The following KCNQ1 variants were observed in gnomAD, a reference collection of about 807,000 sequenced individuals.
The protein encoded by KCNQ1 is potassium voltage-gated channel subfamily Q member 1.
KCNQ1 carries 49 observed loss-of-function variants against 72.4 expected under a neutral mutation model. The ratio of observed to expected loss-of-function variants is 0.68; its 90% confidence interval spans 0.54 to 0.86. The LOEUF is 0.86. Among genes scored for constraint, KCNQ1 ranks in the 40% least tolerant of loss-of-function variants. KCNQ1 has a pLI of 0.00. For missense variants in KCNQ1, 790 were observed against 945.1 expected, an observed-to-expected ratio of 0.84 and a Z score of 2.15; for synonymous variants, 450 against 412.6, an observed-to-expected ratio of 1.09 and a Z score of -1.10.
intron 15 of KCNQ1, among the ~76,000 whole-genome samples, chr11:2,798,729 G>T (rs1847194459): frequency 6.6e-6 from 1 of 152,130 alleles, no homozygotes; most frequent in African/African-American, 2.4e-5. Flanking sequence ...TGTGAAAACT[G>T]TGTATTTTTG....
At position 2,482,658 on chromosome 11, in the gene KCNQ1, C is replaced by T. The variant is rs1214587956; in HGVS notation, c.386+37174C>T. Among the ~76,000 whole-genome samples the T allele has an allele frequency of 6.6e-6, 1 of 152,138 alleles. No individual in the cohort carries two copies. The highest frequency in any genetic ancestry group is 6.6e-5 in the Admixed American group (1 of 15,266). On this transcript the variant is annotated intron_variant, in intron 1 of 15. Transcript: ENST00000155840. This position sits in a 1 kb window ranked among gnomAD's most constrained non-coding sequence, Gnocchi z 5.7. Reference sequence around the variant, plus strand: ...CTGACTCCCCCCGCCAACCCCCACCCCACACTGCACCACAAAGCTGGGTAT... The same window carrying T: ...CTGACTCCCCCCGCCAACCCCCACCTCACACTGCACCACAAAGCTGGGTAT...
chr11:2,510,337 C>T (rs1177551208), intron 1 of KCNQ1, among the ~76,000 whole-genome samples: 2 of 152,062 alleles, frequency 1.3e-5, no homozygotes, highest in East Asian at 3.9e-4. Context: ...TTAGCTCACG[C>T]CTGCAATCTC....
chr11:2,746,681 C>T lies in KCNQ1; in HGVS notation c.1515-22163C>T, dbSNP rs1257182015. ...TCATCGCCCTGTTCCGAGGGCCCAT[C>T]CTGTCGGTGTGGCTCGTCATGGGCG... On this transcript the variant is annotated intron_variant, in intron 11 of 15. Transcript: ENST00000155840. The surrounding 1 kb of genome is among the most constrained non-coding windows in gnomAD (Gnocchi z 5.9). Among the ~76,000 whole-genome samples, 2 of 152,256 alleles carry T rather than the reference C, an allele frequency of 1.3e-5. No homozygotes were observed. Among genetic ancestry groups the T allele is most frequent in the East Asian group, 1.9e-4 (1 of 5,202 alleles).
rs7946404 is a variant in KCNQ1, at chr11:2,588,525, C to T, written c.1252-188C>T. Among the ~76,000 whole-genome samples, 17,829 of 152,208 alleles carry T rather than the reference C, an allele frequency of 0.12. 2,990 individuals are homozygous for T. The highest frequency in any genetic ancestry group is 0.37 in the African/African-American group (15,524 of 41,496). On this transcript the variant is annotated intron_variant, in intron 9 of 15. Transcript: ENST00000155840. The surrounding 1 kb of genome is among the most constrained non-coding windows in gnomAD (Gnocchi z 5.6). ...GGCAGCACCTGGGCCAAGCCCCCCACGTGACCCCCAGCAGCCCTGCCCTGT... is the reference window on the plus strand; with the variant it reads ...GGCAGCACCTGGGCCAAGCCCCCCATGTGACCCCCAGCAGCCCTGCCCTGT...
intron 1 of KCNQ1, among the ~76,000 whole-genome samples, chr11:2,452,414 G>A (rs552719541): frequency 2.3e-4 from 35 of 152,286 alleles, no homozygotes; most frequent in Admixed American, 1.8e-3. Context: ...CTGTGTCCTC[G>A]ACTTCCACGC....
intron 2 of KCNQ1, 67 bp from the exon 3 acceptor site, chr11:2,570,561 G>C: frequency 6.2e-7 from 1 of 1,600,304 alleles, no homozygotes; most frequent in Non-Finnish European, 8.5e-7. Flanking sequence ...GTTCAAACAG[G>C]TTGCAGGGTC....
At chr11:2,527,587 C>T (rs1847531724) in intron 1 of KCNQ1, among the ~76,000 whole-genome samples, 3 of 152,246 alleles carry the variant, frequency 2.0e-5, no homozygotes, top group Admixed American at 2.0e-4. Flanking sequence ...CAGCCACCAG[C>T]CTGCTTTCTG....
Position 2,687,742 on chromosome 11 carries a change from G to A in KCNQ1, c.1514+25661G>A. Reference sequence around the variant, plus strand: ...TCAAGCCAGTAACCAGCAAATCATGGGGAGACTGAGAAGAGGAGCCCCTTA... The same window carrying A: ...TCAAGCCAGTAACCAGCAAATCATGAGGAGACTGAGAAGAGGAGCCCCTTA... On this transcript the variant is annotated intron_variant, in intron 11 of 15. Transcript: ENST00000155840. The surrounding 1 kb of genome is among the most constrained non-coding windows in gnomAD (Gnocchi z 5.0). The A allele has an allele frequency of 2.5e-6, 1 of 398,674 alleles. No homozygotes were observed. The highest frequency in any genetic ancestry group is 4.4e-6 in the Non-Finnish European group (1 of 226,138). The allele number at this position is 398,674 out of a possible 1,614,324, so 24.7% of individuals were successfully genotyped here.
intron 15 of KCNQ1, among the ~76,000 whole-genome samples, chr11:2,799,873 C>T (rs879252866): frequency 2.0e-5 from 3 of 152,136 alleles, no homozygotes; most frequent in African/African-American, 4.8e-5. Flanking sequence ...TGTGTGTTTT[C>T]GGTGCCTGCC....
intron 10 of KCNQ1, among the ~76,000 whole-genome samples, chr11:2,589,111 A>G (rs977594605): frequency 6.6e-6 from 1 of 152,196 alleles, no homozygotes; most frequent in African/African-American, 2.4e-5. Context: ...GGTCGGCTCC[A>G]TCCGGCTGTA....
intron 11 of KCNQ1, among the ~76,000 whole-genome samples, chr11:2,709,220 G>GCCCCCCCCCCCCCCCCCCCCCC (rs34617956): frequency 1.3e-4 from 17 of 130,032 alleles, no homozygotes; most frequent in Admixed American, 5.7e-4. Flanking sequence ...CGGCTTCCAG[G>GCCCCCCCCCCCCCCCCCCCCCC]CCCCCCCCAC....
rs182354848 is a variant in KCNQ1, at chr11:2,477,068, G to A, written c.386+31584G>A. Among the ~76,000 whole-genome samples, 766 of 152,246 alleles carry A rather than the reference G, an allele frequency of 5.0e-3. 4 individuals carry two copies. Among genetic ancestry groups the A allele is most frequent in the Non-Finnish European group, 7.8e-3 (528 of 68,020 alleles). ...TGTTGTGAGATGGCTTATTCTTTGG[G>A]AAAAAATGTTAAGTCAAAATTAGGA... On this transcript the variant is annotated intron_variant, in intron 1 of 15. Coordinates refer to ENST00000155840, the MANE Select transcript of KCNQ1 (RefSeq NM_000218.3). This position sits in a 1 kb window ranked among gnomAD's most constrained non-coding sequence, Gnocchi z 5.0.
At position 2,621,354 on chromosome 11, in the gene KCNQ1, A is replaced by G. The variant is rs1407654983; in HGVS notation, c.1393+32500A>G. The G allele has an allele frequency of 2.5e-6, 1 of 398,440 alleles. No homozygotes were observed. Among genetic ancestry groups the G allele is most frequent in the African/African-American group, 2.1e-5 (1 of 48,596 alleles). 24.7% of individuals were successfully genotyped at this position (398,440 alleles called of 1,614,324 possible). A position where few individuals can be genotyped will look rare whatever the true frequency, so the allele number is the denominator to read the frequency against. On this transcript the variant is annotated intron_variant, in intron 10 of 15. Coordinates refer to ENST00000155840, the MANE Select transcript of KCNQ1 (RefSeq NM_000218.3). This position sits in a 1 kb window ranked among gnomAD's most constrained non-coding sequence, Gnocchi z 5.7. ...GGCTACTTCTGTATTTTCTTTTAAG[A>G]AATGTATGTTCCTGTCCTTTGCCAA...
At position 2,645,780 on chromosome 11, in the gene KCNQ1, A is replaced by C; in HGVS notation, c.1394-16181A>C. 2.5e-6 allele frequency: 1 copy of C among 398,762 alleles called. No homozygotes were observed. Among genetic ancestry groups the C allele is most frequent in the Non-Finnish European group, 4.4e-6 (1 of 226,168 alleles). The allele number at this position is 398,762 out of a possible 1,614,324, so 24.7% of individuals were successfully genotyped here. On this transcript the variant is annotated intron_variant, in intron 10 of 15. Transcript: ENST00000155840. This position sits in a 1 kb window ranked among gnomAD's most constrained non-coding sequence, Gnocchi z 5.8. ...GATAGAGGGATGTGGGGCCCACAGC[A>C]GATGCAGTCTGGTGGGGGTTGGGCT... is the stretch of plus-strand genomic sequence containing the variant.
Position 2,657,695 on chromosome 11 carries a change from C to A in KCNQ1, c.1394-4266C>A. 1 of 398,584 alleles carries A rather than the reference C, an allele frequency of 2.5e-6. No individual in the cohort carries two copies. Among genetic ancestry groups the A allele is most frequent in the Non-Finnish European group, 4.4e-6 (1 of 226,050 alleles). The allele number at this position is 398,584 out of a possible 1,614,324, so 24.7% of individuals were successfully genotyped here. On this transcript the variant is annotated intron_variant, in intron 10 of 15. Coordinates refer to ENST00000155840, the MANE Select transcript of KCNQ1 (RefSeq NM_000218.3). The surrounding 1 kb of genome is among the most constrained non-coding windows in gnomAD (Gnocchi z 4.8). ...TAATGTCCTTTTTCTGTTCCAAGAT[C>A]CCATCTAGGATCGATCATTACATTT...
At chr11:2,684,952 G>A (rs922434570) in intron 11 of KCNQ1, 7 of 398,538 alleles carry the variant, frequency 1.8e-5, no homozygotes, top group Non-Finnish European at 2.7e-5. Context: ...CTTTGTACCT[G>A]GTAAGGAGTG....
At position 2,775,940 on chromosome 11, in the gene KCNQ1, C is replaced by G. The variant is rs772628940; in HGVS notation, c.1591-20C>G. On this transcript the variant is annotated intron_variant, in intron 12 of 15. Coordinates refer to ENST00000155840, the MANE Select transcript of KCNQ1 (RefSeq NM_000218.3). ...TGGGGCACAGGGAGGAGAAGTGATGCGTGTCTTTTTGTCCCGCAGCAAGCG... is the reference window on the plus strand; with the variant it reads ...TGGGGCACAGGGAGGAGAAGTGATGGGTGTCTTTTTGTCCCGCAGCAAGCG... 6 of 1,551,032 alleles carry G rather than the reference C, an allele frequency of 3.9e-6. No homozygotes were observed. The African/African-American group carries it at 6.8e-5, about 18-fold the overall frequency.
intron 1 of KCNQ1, among the ~76,000 whole-genome samples, chr11:2,469,823 G>A (rs562794555): frequency 5.3e-5 from 8 of 151,988 alleles, no homozygotes; most frequent in African/African-American, 9.6e-5. Flanking sequence ...ACAGGCGCCC[G>A]CCACTGTATC....
intron 15 of KCNQ1, among the ~76,000 whole-genome samples, chr11:2,839,039 G>A (rs1232336829): frequency 7.7e-6 from 1 of 129,038 alleles, no homozygotes; most frequent in East Asian, 2.0e-4. Flanking sequence ...TGGGCAGGTG[G>A]GCAGCTGCCT....
Sources: gnomAD v4.1 joint callset for allele counts (sites outside exome capture counted in the v4.1 genomes callset) on GRCh38, gnomAD v4.1.1 for gene constraint, Gnocchi (gnomAD v3.1) non-coding constraint, MANE v1.5 for transcripts, NCBI Gene and HGNC (gene_info 2026-07-23, HGNC 2026-07-21) for gene names.